PMPCA: variants seen among roughly 807,000 people sequenced by gnomAD.
The protein encoded by PMPCA is mitochondrial-processing peptidase subunit alpha.
A neutral mutation model predicts 59.3 loss-of-function variants in PMPCA; 47 were observed. That is an observed-to-expected ratio of 0.79 (90% confidence interval 0.63 to 1.01). PMPCA has a LOEUF of 1.01. Among genes scored for constraint, PMPCA ranks in the 50% least tolerant of loss-of-function variants. The pLI, the probability that PMPCA is intolerant of heterozygous loss-of-function variation, is 0.00. For missense variants in PMPCA, 726 were observed against 704.5 expected, an observed-to-expected ratio of 1.03 and a Z score of -0.34; for synonymous variants, 338 against 290.3, an observed-to-expected ratio of 1.16 and a Z score of -1.67.
chr9:136,411,919 TA>T, intron 1 of PMPCA, 77 bp from the exon 2 acceptor site: 1 of 822,790 alleles, frequency 1.2e-6, no homozygotes, highest in South Asian at 1.4e-5. Context: ...AGACAAAACA[TA>T]ACTAACCGCA....
chr9:136,418,832 C>A lies in PMPCA; in HGVS notation c.1114C>A (p.His372Asn). The change falls in exon 10 of 13, where the codon CAC (histidine) becomes AAC (asparagine). Residue 372 changes from histidine to asparagine, a missense_variant. Coordinates refer to ENST00000371717, the MANE Select transcript of PMPCA (RefSeq NM_015160.3). The part of the protein sequence containing the change: ...RLYLNVLNRH[H>N]WMYNATSYHH... ...ATGACTCTCGCTTCCTCCCAGGCAC[C>A]ACTGGATGTATAACGCGACCTCCTA... The A allele has an allele frequency of 1.2e-6, 2 of 1,611,400 alleles. No individual in the cohort carries two copies. Among genetic ancestry groups the A allele is most frequent in the Non-Finnish European group, 1.7e-6 (2 of 1,178,452 alleles).
Position 136,418,599 on chromosome 9 carries a change from C to T in PMPCA, c.1035C>T (p.Gly345=), listed in dbSNP as rs151284708. Reference sequence around the variant, plus strand: ...TTGCAGTGTTGAACATGATGATGGGCGGAGGTGGCTCCTTCTCGGCTGGTG... The same window carrying T: ...TTGCAGTGTTGAACATGATGATGGGTGGAGGTGGCTCCTTCTCGGCTGGTG... ...IPFAVLNMMM[G]GGGSFSAGGP... Residue 345 remains glycine (G), a synonymous_variant, in exon 9 of 13, where the codon GGC becomes GGT. Coordinates refer to ENST00000371717, the MANE Select transcript of PMPCA (RefSeq NM_015160.3). The T allele has an allele frequency of 5.9e-5, 95 of 1,613,772 alleles. 1 individual carries two copies. The African/African-American group carries it at 8.4e-4, about 14-fold the overall frequency.
At chr9:136,417,650 T>G (rs1835319362) in intron 7 of PMPCA, among the ~76,000 whole-genome samples, 1 of 152,092 alleles carries the variant, frequency 6.6e-6, no homozygotes, top group African/African-American at 2.4e-5. Flanking sequence ...GAGATGGGGT[T>G]TCACTATGTT....
chr9:136,422,456 A>T, intron 12 of PMPCA: 1 of 1,061,694 alleles, frequency 9.4e-7, no homozygotes. Flanking sequence ...TGTGCATCGG[A>T]CTCTTCTGGG....
At chr9:136,418,778 C>T (rs377677358) in intron 9 of PMPCA, 50 bp from the exon 10 acceptor site, 2 of 1,531,264 alleles carry the variant, frequency 1.3e-6, no homozygotes, top group Non-Finnish European at 1.8e-6. Context: ...TTTCCCATGG[C>T]CTGATCCTGG....
In PMPCA at chr9:136,418,576, G is replaced by A; in HGVS notation, c.1012G>A (p.Ala338Thr). 2 of 1,612,372 alleles carry A rather than the reference G, an allele frequency of 1.2e-6. No individual in the cohort carries two copies. Among genetic ancestry groups the A allele is most frequent in the Non-Finnish European group, 1.7e-6 (2 of 1,178,368 alleles). The change falls in exon 9 of 13, where the codon GCA (alanine) becomes ACA (threonine). Residue 338 changes from alanine to threonine, a missense_variant. By Grantham distance (58) the Ala-to-Thr change is moderately conservative (BLOSUM62 0). Transcript: ENST00000371717. ...SFLEEDFIPFAVLNMMMGGGG... is the reference protein window; with the variant it reads ...SFLEEDFIPFTVLNMMMGGGG... ...GCAGGAGGAGGACTTCATCCCCTTT[G>A]CAGTGTTGAACATGATGATGGGCGG... is the stretch of plus-strand genomic sequence containing the variant.
At chr9:136,413,195 C>T (rs922639078) in intron 4 of PMPCA, among the ~76,000 whole-genome samples, 2 of 152,118 alleles carry the variant, frequency 1.3e-5, no homozygotes, top group African/African-American at 4.8e-5. Context: ...TAGCCAAAGG[C>T]GGTAGGAGCC....
intron 5 of PMPCA, among the ~76,000 whole-genome samples, chr9:136,415,426 T>C (rs950804194): frequency 3.8e-4 from 58 of 152,324 alleles, no homozygotes; most frequent in African/African-American, 1.3e-3. Context: ...AATTTCCATT[T>C]CACTGTTTCC....
intron 12 of PMPCA, chr9:136,422,807 CA>C: frequency 8.2e-7 from 1 of 1,215,158 alleles, no homozygotes; most frequent in South Asian, 2.2e-5. Context: ...AAAGTGAGTT[CA>C]TCAGACACGG....
At position 136,412,568 on chromosome 9, in the gene PMPCA, C is replaced by A; in HGVS notation, c.353C>A (p.Ser118Ter). 1 of 1,531,848 alleles carries A rather than the reference C, an allele frequency of 6.5e-7. No homozygotes were observed. Among genetic ancestry groups the A allele is most frequent in the South Asian group, 1.1e-5 (1 of 88,230 alleles). The allele number at this position is 1,531,848 out of a possible 1,614,324, so 94.9% of individuals were successfully genotyped here. The change falls in exon 3 of 13, where the codon TCG (serine) becomes TAG (stop). Residue 118 changes from serine to a stop codon, truncating the protein, a stop_gained and splice_region_variant. Transcript: ENST00000371717. LOFTEE classifies it high-confidence loss of function. ...IAHFLEKLAFSSTARFDSKDE... is the reference protein window; with the variant it reads ...IAHFLEKLAF Reference sequence around the variant, plus strand: ...CACTTTTTGGAAAAATTGGCATTTTCGGTCAGTACCCAGTTTTGTAATTTT... The same window carrying A: ...CACTTTTTGGAAAAATTGGCATTTTAGGTCAGTACCCAGTTTTGTAATTTT...
At chr9:136,416,726 A>G (rs932175703) in intron 6 of PMPCA, 1 of 592,624 alleles carries the variant, frequency 1.7e-6, no homozygotes, top group Non-Finnish European at 3.0e-6. Flanking sequence ...GGTCTTTACT[A>G]CTAAACACAA....
At chr9:136,417,772 T>G (rs1245389508) in intron 7 of PMPCA, among the ~76,000 whole-genome samples, 2 of 74,722 alleles carry the variant, frequency 2.7e-5, no homozygotes, top group Non-Finnish European at 6.0e-5. Flanking sequence ...TATACATATG[T>G]TTTTTTTTTT....
rs1293246059 is a variant in PMPCA at position 136,422,285 on chromosome 9, A to G, written c.1408+309A>G. Reference sequence around the variant, plus strand: ...AAGAGCACTCAAGTTAGTAGGCGAGAAGGGCTCAGTAGAGGACTGCTACAT... The same window carrying G: ...AAGAGCACTCAAGTTAGTAGGCGAGGAGGGCTCAGTAGAGGACTGCTACAT... On this transcript the variant is annotated intron_variant, in intron 12 of 12. Coordinates refer to ENST00000371717, the MANE Select transcript of PMPCA (RefSeq NM_015160.3). The G allele has an allele frequency of 2.3e-6, 3 of 1,287,854 alleles. No homozygotes were observed. The South Asian group carries it at 4.5e-5, about 19-fold the overall frequency. 79.8% of individuals were successfully genotyped at this position (1,287,854 alleles called of 1,614,324 possible). A position where few individuals can be genotyped will look rare whatever the true frequency, so the allele number is the denominator to read the frequency against.
rs745904011 is a variant in PMPCA at position 136,418,056 on chromosome 9, C to T, written c.937C>T (p.Pro313Ser). Reference sequence around the variant, plus strand: ...GTCCAATGTCAGCCTGGGCCCGACCCCCATCCCCGAGCTCACGCACATCAT... The same window carrying T: ...GTCCAATGTCAGCCTGGGCCCGACCTCCATCCCCGAGCTCACGCACATCAT... ...DMSNVSLGPTPIPELTHIMVG... is the reference protein window; with the variant it reads ...DMSNVSLGPTSIPELTHIMVG... Residue 313 changes from proline to serine, a missense_variant, in exon 8 of 13, where the codon CCC becomes TCC. Physicochemically the swap from Pro to Ser is moderately conservative, Grantham distance 74 (BLOSUM62 -1). Transcript: ENST00000371717. 2.9e-5 allele frequency: 46 copies of T among 1,613,868 alleles called. No individual in the cohort carries two copies. The highest frequency in any genetic ancestry group is 3.9e-5 in the Non-Finnish European group (46 of 1,179,826).
At chr9:136,422,067 T>G (rs1835470566) in intron 12 of PMPCA, 91 bp downstream of exon 12, 1 of 1,548,046 alleles carries the variant, frequency 6.5e-7, no homozygotes, top group Non-Finnish European at 8.7e-7. Flanking sequence ...GTGGTGGGCC[T>G]GTGGTATGTC....
In PMPCA at chr9:136,418,551, G is replaced by T. The variant is rs1257403888; in HGVS notation, c.991-4G>T. 6.3e-7 allele frequency: 1 copy of T among 1,583,898 alleles called. No homozygotes were observed. The highest frequency in any genetic ancestry group is 8.7e-7 in the Non-Finnish European group (1 of 1,152,598). On this transcript the variant is annotated splice_polypyrimidine_tract_variant and splice_region_variant and intron_variant, in intron 8 of 12. Coordinates refer to ENST00000371717, the MANE Select transcript of PMPCA (RefSeq NM_015160.3). ...TCAGCCAGCTCTGCCCTCCGTCCCT[G>T]CAGGAGGAGGACTTCATCCCCTTTG... is the stretch of plus-strand genomic sequence containing the variant.
chr9:136,413,349 A>AGCCAGGGAGGT (rs911084138), intron 4 of PMPCA, among the ~76,000 whole-genome samples: 1 of 152,124 alleles, frequency 6.6e-6, no homozygotes, highest in Non-Finnish European at 1.5e-5. Flanking sequence ...AAAGGCACCG[A>AGCCAGGGAGGT]GCCAGGGAGG....
At chr9:136,418,513 T>G (rs759163065) in intron 8 of PMPCA, 42 bp from the exon 9 acceptor site, 2 of 1,225,240 alleles carry the variant, frequency 1.6e-6, no homozygotes, top group African/African-American at 1.5e-5. Context: ...GCTCCTGACG[T>G]GGCGTGGGTG....
In PMPCA at chr9:136,423,087, T is replaced by C; in HGVS notation, c.1409-8T>C. The C allele has an allele frequency of 3.1e-6, 5 of 1,609,898 alleles. No homozygotes were observed. Among genetic ancestry groups the C allele is most frequent in the Non-Finnish European group, 4.2e-6 (5 of 1,178,586 alleles). ...GCTCGTGTGACACGCGTTTGCCCTCTGCACTAGGCAACGTGAAGCCGGAAG... is the reference window on the plus strand; with the variant it reads ...GCTCGTGTGACACGCGTTTGCCCTCCGCACTAGGCAACGTGAAGCCGGAAG... On this transcript the variant is annotated splice_region_variant and splice_polypyrimidine_tract_variant and intron_variant, in intron 12 of 12. Coordinates refer to ENST00000371717, the MANE Select transcript of PMPCA (RefSeq NM_015160.3).
Sources: gnomAD v4.1 joint callset for allele counts (sites outside exome capture counted in the v4.1 genomes callset) on GRCh38, gnomAD v4.1.1 for gene constraint, MANE v1.5 for transcripts, NCBI Gene and HGNC (gene_info 2026-07-23, HGNC 2026-07-21) for gene names.